Variants in UBA7 observed in about 807,000 individuals in gnomAD.
The protein encoded by UBA7 is ubiquitin-like modifier-activating enzyme 7.
A neutral mutation model predicts 113.0 loss-of-function variants in UBA7; 88 were observed. That is an observed-to-expected ratio of 0.78 (90% CI 0.66 to 0.93). The LOEUF (loss-of-function observed/expected upper bound fraction) is 0.93, where lower values mean the gene tolerates loss of function less well. Among genes scored for constraint, UBA7 ranks in the 40% least tolerant of loss-of-function variants. The pLI is 0.00. For synonymous variants in UBA7, 459 were observed against 513.0 expected, an observed-to-expected ratio of 0.89 and a Z score of 1.42; for missense variants, 1,092 against 1,266.4, an observed-to-expected ratio of 0.86 and a Z score of 2.09.
At position 49,811,163 on chromosome 3, in the gene UBA7, A is replaced by G; in HGVS notation, c.1123-72T>C. 4 of 1,603,244 alleles carry G rather than the reference A, an allele frequency of 2.5e-6. No homozygotes were observed. The East Asian group carries it at 8.9e-5, about 36-fold the overall frequency. Reference sequence around the variant, plus strand: ...CCCTCAGATCCTGGCTGGAGGCTTCACCCAGGTTGGTGAAGGCTCCAGGGC... The same window carrying G: ...CCCTCAGATCCTGGCTGGAGGCTTCGCCCAGGTTGGTGAAGGCTCCAGGGC... On this transcript the variant is annotated intron_variant, in intron 9 of 23. Transcript: ENST00000333486.
In UBA7 at chr3:49,809,304, T is replaced by C. The variant is rs1007329632; in HGVS notation, c.2163+86A>G. The C allele has an allele frequency of 5.8e-6, 9 of 1,555,266 alleles. No individual in the cohort carries two copies. The African/African-American group carries it at 1.2e-4, about 21-fold the overall frequency. ...AAGCATGGCTCTCTCTGGGCATCTG[T>C]GCATCTCTGCAGAATGCAGAAATGC... On this transcript the variant is annotated intron_variant, in intron 17 of 23. Coordinates refer to ENST00000333486, the MANE Select transcript of UBA7 (RefSeq NM_003335.3).
At chr3:49,809,755 A>T in intron 15 of UBA7, 30 bp from the exon 16 acceptor site, 3 of 1,614,072 alleles carry the variant, frequency 1.9e-6, no homozygotes, top group Non-Finnish European at 1.7e-6. Flanking sequence ...TGTGAGACTG[A>T]GTCCTGCAGA....
chr3:49,811,424 C>A lies in UBA7; in HGVS notation c.971G>T (p.Arg324Leu). 1 of 1,595,470 alleles carries A rather than the reference C, an allele frequency of 6.3e-7. No individual in the cohort carries two copies. The highest frequency in any genetic ancestry group is 2.3e-5 in the East Asian group (1 of 43,370). The part of the protein sequence containing the change: ...VDAETVVGLA[R>L]DLEPLKRTEE... ...TGTCCGCTTCAGTGGTTCCAGGTCC[C>A]GGGCCAGGCCCACCACAGTCTCTGC... The change falls in exon 9 of 24, where the codon CGG becomes CTG. Residue 324 changes from arginine to leucine, a missense_variant. Arg to Leu is a moderately radical substitution (Grantham distance 102). Around this residue, in one of 3 missense-constraint regions of UBA7, gnomAD observed 584 missense variants for 714.5 expected, o/e 0.82. Transcript: ENST00000333486.
At chr3:49,805,861 C>T (rs1209729763) in intron 23 of UBA7, 36 bp downstream of exon 23, 1 of 1,538,392 alleles carries the variant, frequency 6.5e-7, no homozygotes, top group Non-Finnish European at 8.8e-7. Flanking sequence ...CCTCCAGGGA[C>T]TGGTGGGGCC....
chr3:49,809,230 CTGTT>C, intron 17 of UBA7, 71 bp from the exon 18 acceptor site: 3 of 1,551,288 alleles, frequency 1.9e-6, no homozygotes, highest in Non-Finnish European at 1.7e-6. Context: ...ATTTGTGGAT[CTGTT>C]TGAGTGCCTG....
chr3:49,806,263 A>G, intron 21 of UBA7, 98 bp from the exon 22 acceptor site: 2 of 893,984 alleles, frequency 2.2e-6, no homozygotes, highest in Non-Finnish European at 3.4e-6. Flanking sequence ...CTGGACTAGC[A>G]GGAAACAGGA....
chr3:49,808,058 A>C lies in UBA7; in HGVS notation c.2485T>G (p.Cys829Gly). 1 of 1,614,136 alleles carries C rather than the reference A, an allele frequency of 6.2e-7. No homozygotes were observed. The highest frequency in any genetic ancestry group is 2.2e-5 in the East Asian group (1 of 44,874). ...DFVVAAASLR[C>G]QNYGIPPVNR... ...ACCGGTGGAATCCCGTAGTTCTGAC[A>C]TCTCAGGCTAGCTGCCGCTACCACA... Residue 829 changes from cysteine to glycine, a missense_variant, in exon 20 of 24, where the codon TGT becomes GGT. Around this residue, in one of 3 missense-constraint regions of UBA7, gnomAD observed 500 missense variants for 529.3 expected, o/e 0.94. Coordinates refer to ENST00000333486, the MANE Select transcript of UBA7 (RefSeq NM_003335.3).
At chr3:49,805,832 G>T (rs2081438639) in intron 23 of UBA7, 65 bp downstream of exon 23, 1 of 1,437,184 alleles carries the variant, frequency 7.0e-7, no homozygotes. Context: ...ACAAAAGGCA[G>T]TGTGGTCCCT....
chr3:49,812,363 G>A (rs2081563187), intron 6 of UBA7, 45 bp downstream of exon 6: 1 of 1,612,848 alleles, frequency 6.2e-7, no homozygotes, highest in African/African-American at 1.3e-5. Context: ...CACTTCCAGT[G>A]GAGGCTTGGG....
Position 49,805,997 on chromosome 3 carries a change from C to T in UBA7, c.2809G>A (p.Glu937Lys). The T allele has an allele frequency of 6.4e-7, 1 of 1,566,484 alleles. No individual in the cohort carries two copies. Among genetic ancestry groups the T allele is most frequent in the Non-Finnish European group, 8.7e-7 (1 of 1,155,506 alleles). ...TLESLLAHLQ[E>K]QHGLRVRILL... ...ATCCTCACCCTCAACCCGTGCTGCTCCTAGAGGAGAAAGGTCAGACACCAG... is the reference window on the plus strand; with the variant it reads ...ATCCTCACCCTCAACCCGTGCTGCTTCTAGAGGAGAAAGGTCAGACACCAG... Residue 937 changes from glutamate to lysine, a missense_variant and splice_region_variant, in exon 23 of 24, where the codon GAG (glutamate) becomes AAG (lysine). Glu to Lys is a moderately conservative substitution (Grantham distance 56). Transcript: ENST00000333486.
rs776651390 is a variant in UBA7 at position 49,809,584 on chromosome 3, A to G, written c.2046T>C (p.His682=). 20 of 1,613,984 alleles carry G rather than the reference A, an allele frequency of 1.2e-5. No individual in the cohort carries two copies. Among genetic ancestry groups the G allele is most frequent in the Middle Eastern group, 1.6e-4 (1 of 6,084 alleles). The change falls in exon 16 of 24, where the codon CAT becomes CAC. Residue 682 remains histidine (H), a synonymous_variant. Transcript: ENST00000333486. ...WALGHWKLCF[H]YGIKQLLRHF... is the part of the protein sequence containing the mutation. ...GCCTCAGCAGCTGTTTGATGCCATAATGAAAGCAGAGTTTCCAGTGGCCAA... is the reference window on the plus strand; with the variant it reads ...GCCTCAGCAGCTGTTTGATGCCATAGTGAAAGCAGAGTTTCCAGTGGCCAA...
chr3:49,813,119 G>A lies in UBA7; in HGVS notation c.410C>T (p.Thr137Ile). 1.2e-6 allele frequency: 2 copies of A among 1,614,130 alleles called. No individual in the cohort carries two copies. Among genetic ancestry groups the A allele is most frequent in the Non-Finnish European group, 1.7e-6 (2 of 1,180,018 alleles). The change falls in exon 4 of 24, where the codon ACC becomes ATC. Residue 137 changes from threonine to isoleucine, a missense_variant. Physicochemically the swap from Thr to Ile is moderately conservative, Grantham distance 89. Transcript: ENST00000333486. ...GCAAACTCCATGCTTATGACACAAGGTGCCCACCTTCAGCTGCTCCTCCAG... is the reference window on the plus strand; with the variant it reads ...GCAAACTCCATGCTTATGACACAAGATGCCCACCTTCAGCTGCTCCTCCAG... ...AKLEEQLKVG[T>I]LCHKHGVCFL...
At chr3:49,811,825 C>T (rs2081552074) in intron 8 of UBA7, 45 bp downstream of exon 8, 3 of 1,605,828 alleles carry the variant, frequency 1.9e-6, no homozygotes, top group Non-Finnish European at 2.6e-6. Flanking sequence ...GGTGGGACCC[C>T]AATAAATGAC....
At position 49,805,229 on chromosome 3, in the gene UBA7, T is replaced by C. The variant is rs2081427246; in HGVS notation, c.*79A>G. ...ATGCCTTCCTTTAACAAGCATTTATTGAGTGCCTACTGTGGGCTTACAATG... is the reference window on the plus strand; with the variant it reads ...ATGCCTTCCTTTAACAAGCATTTATCGAGTGCCTACTGTGGGCTTACAATG... On this transcript the variant is annotated 3_prime_UTR_variant, in exon 24 of 24. Coordinates refer to ENST00000333486, the MANE Select transcript of UBA7 (RefSeq NM_003335.3). 2 of 1,412,642 alleles carry C rather than the reference T, an allele frequency of 1.4e-6. No homozygotes were observed. The highest frequency in any genetic ancestry group is 4.8e-5 in the East Asian group (2 of 42,092). 87.5% of individuals were successfully genotyped at this position (1,412,642 alleles called of 1,614,324 possible). A position where few individuals can be genotyped will look rare whatever the true frequency, so the allele number is the denominator to read the frequency against.
rs1425444132 is a variant in UBA7, at chr3:49,811,416, C to T, written c.979G>A (p.Glu327Lys). 5 of 1,603,986 alleles carry T rather than the reference C, an allele frequency of 3.1e-6. No homozygotes were observed. Among genetic ancestry groups the T allele is most frequent in the Non-Finnish European group, 4.3e-6 (5 of 1,175,600 alleles). ...TCTTCCTCTGTCCGCTTCAGTGGTT[C>T]CAGGTCCCGGGCCAGGCCCACCACA... is the stretch of plus-strand genomic sequence containing the variant. Reference protein sequence around the residue: ...ETVVGLARDLEPLKRTEEEPL... With the variant: ...ETVVGLARDLKPLKRTEEEPL... The change falls in exon 9 of 24, where the codon GAA (glutamate) becomes AAA (lysine). Residue 327 changes from glutamate (E) to lysine (K), a missense_variant. This residue lies in a region of UBA7 where 584 missense variants were observed against 714.5 expected (regional missense o/e 0.82). Coordinates refer to ENST00000333486, the MANE Select transcript of UBA7 (RefSeq NM_003335.3).
Position 49,813,841 on chromosome 3 carries a change from T to C in UBA7, c.-54A>G. 6.2e-7 allele frequency: 1 copy of C among 1,606,414 alleles called. No individual in the cohort carries two copies. The highest frequency in any genetic ancestry group is 2.3e-5 in the East Asian group (1 of 44,294). ...GCAGCGCTCAGAGATAGGGTCTTTG[T>C]GTAGGTGGCGGTGACAGTAGGGGCC... On this transcript the variant is annotated 5_prime_UTR_variant, in exon 1 of 24. Coordinates refer to ENST00000333486, the MANE Select transcript of UBA7 (RefSeq NM_003335.3).
In UBA7 at chr3:49,810,215, C is replaced by G. The variant is rs759786104; in HGVS notation, c.1634-32G>C. The G allele has an allele frequency of 2.5e-5, 41 of 1,612,352 alleles. No individual in the cohort carries two copies. Among genetic ancestry groups the G allele is most frequent in the Middle Eastern group, 1.6e-4 (1 of 6,076 alleles). ...AGGGAGCAGTGGGTCAGAAGTGGGACTGGCACAGCTGTGGGCAAGGGACTG... is the reference window on the plus strand; with the variant it reads ...AGGGAGCAGTGGGTCAGAAGTGGGAGTGGCACAGCTGTGGGCAAGGGACTG... On this transcript the variant is annotated intron_variant, in intron 13 of 23. Coordinates refer to ENST00000333486, the MANE Select transcript of UBA7 (RefSeq NM_003335.3). This position sits in a 1 kb window ranked among gnomAD's most constrained non-coding sequence, Gnocchi z 5.6.
Position 49,810,781 on chromosome 3 carries a change from C to T in UBA7, c.1282G>A (p.Glu428Lys), listed in dbSNP as rs971916338. ...QIAVFGAGFQ[E>K]KLRRQHYLLV... The stretch of plus-strand genomic sequence containing the variant: ...AGGTAGTGCTGGCGTCTCAGTTTCT[C>T]CTGAAAACCAGCCCCAAACACTGCA... Residue 428 changes from glutamate to lysine, a missense_variant, in exon 11 of 24, where the codon GAG (glutamate) becomes AAG (lysine). Around this residue, in one of 3 missense-constraint regions of UBA7, gnomAD observed 584 missense variants for 714.5 expected, o/e 0.82. Coordinates refer to ENST00000333486, the MANE Select transcript of UBA7 (RefSeq NM_003335.3). The surrounding 1 kb of genome is among the most constrained non-coding windows in gnomAD (Gnocchi z 5.6). 5 of 1,614,044 alleles carry T rather than the reference C, an allele frequency of 3.1e-6. No homozygotes were observed. Among genetic ancestry groups the T allele is most frequent in the Non-Finnish European group, 4.2e-6 (5 of 1,180,036 alleles).
chr3:49,811,240 C>T, intron 9 of UBA7, 33 bp downstream of exon 9: 2 of 1,612,912 alleles, frequency 1.2e-6, no homozygotes, highest in Non-Finnish European at 8.5e-7. Context: ...TCCACATCTT[C>T]CCAGTACCCC....
Sources: allele counts gnomAD v4.1 joint callset, GRCh38; gene constraint gnomAD v4.1.1; regional missense constraint gnomAD v4.1.1; non-coding constraint Gnocchi (gnomAD v3.1); transcripts MANE v1.5; gene names NCBI Gene and HGNC (gene_info 2026-07-23, HGNC 2026-07-21).